NFIB: variants seen among roughly 807,000 people sequenced by gnomAD.
NFIB encodes nuclear factor I B, also known as nuclear factor 1 B-type.
Under a neutral mutation model 61.5 loss-of-function variants are expected in NFIB, and 11 were observed. The observed-to-expected ratio is 0.18, with a 90% CI of 0.11 to 0.30. The LOEUF is 0.30. NFIB is among the 10% of genes least tolerant of loss of function. NFIB has a pLI of 1.00. For synonymous variants in NFIB, 260 were observed against 216.5 expected, an observed-to-expected ratio of 1.20 and a Z score of -1.76; for missense variants, 471 against 608.9, an observed-to-expected ratio of 0.77 and a Z score of 2.38.
chr9:14,371,196 T>G (rs914656372), intron 1 of NFIB, among the ~76,000 whole-genome samples: 1 of 152,244 alleles, frequency 6.6e-6, no homozygotes, highest in Non-Finnish European at 1.5e-5. Context: ...CCTTTTCTTA[T>G]AGCTATGCAA....
At chr9:14,481,620 G>A in the NFIB span, among the ~76,000 whole-genome samples, 1 of 151,916 alleles carries the variant, frequency 6.6e-6, no homozygotes, top group Non-Finnish European at 1.5e-5. Flanking sequence ...GATTTCCCAA[G>A]GTCCCAAAAT....
chr9:14,503,632 T>C, the NFIB span, among the ~76,000 whole-genome samples: 1 of 152,178 alleles, frequency 6.6e-6, no homozygotes, highest in East Asian at 1.9e-4. Context: ...TATCTTCTTT[T>C]GAGGATCGTT....
chr9:14,328,728 G>C (rs1393926570), intron 1 of NFIB, among the ~76,000 whole-genome samples: 7 of 151,864 alleles, frequency 4.6e-5, no homozygotes, highest in African/African-American at 1.5e-4. Context: ...GTTGATATTA[G>C]TGAATGGTCA....
chr9:14,333,760 T>C lies in NFIB; in HGVS notation c.109-26240A>G, dbSNP rs554310087. ...TATATAATGTGTATCTAGGAAAGTA[T>C]ACATCACGAGTGTATAGCTAAATGT... is the stretch of plus-strand genomic sequence containing the variant. On this transcript the variant is annotated intron_variant, in intron 1 of 8. Coordinates refer to the NFIB transcript ENST00000380934. Among the ~76,000 whole-genome samples the C allele has an allele frequency of 1.8e-4, 27 of 152,332 alleles. No individual in the cohort carries two copies. The South Asian group carries it at 5.2e-3, about 29-fold the overall frequency.
rs2032799624 is a variant in NFIB, at chr9:14,085,907, G to C, written c.*2402C>G. The C allele has an allele frequency of 4.4e-6, 1 of 226,978 alleles. No homozygotes were observed. 14.1% of individuals were successfully genotyped at this position (226,978 alleles called of 1,614,324 possible). A position where few individuals can be genotyped will look rare whatever the true frequency, so the allele number is the denominator to read the frequency against. On this transcript the variant is annotated 3_prime_UTR_variant, in exon 11 of 11. Coordinates refer to ENST00000380953, the MANE Select transcript of NFIB (RefSeq NM_001190737.2). ...TTAAACATCCAACATCCCCTATGTGGACATTTCAACAAATATTTTTGCCAA... is the reference window on the plus strand; with the variant it reads ...TTAAACATCCAACATCCCCTATGTGCACATTTCAACAAATATTTTTGCCAA...
At chr9:14,143,250 G>C (rs1027333897) in intron 6 of NFIB, among the ~76,000 whole-genome samples, 15 of 152,054 alleles carry the variant, frequency 9.9e-5, no homozygotes, top group African/African-American at 3.6e-4. Context: ...TTTTCATTAA[G>C]TTACTAAAAT....
At chr9:14,343,167 A>C (rs2060972848) in intron 1 of NFIB, among the ~76,000 whole-genome samples, 1 of 152,154 alleles carries the variant, frequency 6.6e-6, no homozygotes, top group African/African-American at 2.4e-5. Flanking sequence ...TTTTTCCCAC[A>C]ATCTTCTGAC....
chr9:14,421,533 C>G, the NFIB span, among the ~76,000 whole-genome samples: 1 of 152,324 alleles, frequency 6.6e-6, no homozygotes, highest in Non-Finnish European at 1.5e-5. Flanking sequence ...AATGGTAAAT[C>G]AGATTAACTC....
the NFIB span, among the ~76,000 whole-genome samples, chr9:14,510,316 G>C: frequency 6.6e-6 from 1 of 152,156 alleles, no homozygotes; most frequent in Non-Finnish European, 1.5e-5. Context: ...ATGAACATGG[G>C]CTGGGACAAA....
chr9:14,461,222 G>A, the NFIB span, among the ~76,000 whole-genome samples: 1 of 152,118 alleles, frequency 6.6e-6, no homozygotes, highest in Non-Finnish European at 1.5e-5. Flanking sequence ...TGTGAGCTTG[G>A]CAGAGCAATC....
At chr9:14,383,081 G>GA (rs1430437983) in intron 1 of NFIB, among the ~76,000 whole-genome samples, 1 of 114,592 alleles carries the variant, frequency 8.7e-6, no homozygotes, top group East Asian at 3.1e-4. Flanking sequence ...AAAGGAATAT[G>GA]ACAAAAAATT....
intron 1 of NFIB, among the ~76,000 whole-genome samples, chr9:14,385,539 T>C (rs1447127523): frequency 6.6e-6 from 1 of 152,164 alleles, no homozygotes; most frequent in Non-Finnish European, 1.5e-5. Context: ...ATTTGAAATG[T>C]CGCATATGTT....
intron 10 of NFIB, among the ~76,000 whole-genome samples, chr9:14,101,932 G>A (rs1324210395): frequency 6.6e-6 from 1 of 152,082 alleles, no homozygotes; most frequent in East Asian, 1.9e-4. Flanking sequence ...GTCAATAACA[G>A]TTAAATTGAC....
intron 1 of NFIB, among the ~76,000 whole-genome samples, chr9:14,370,095 C>G (rs143360174): frequency 6.6e-6 from 1 of 152,162 alleles, no homozygotes; most frequent in Non-Finnish European, 1.5e-5. Flanking sequence ...GTACATTTTA[C>G]GACTTTGTGC....
chr9:14,089,246 A>G (rs948331900), intron 10 of NFIB, among the ~76,000 whole-genome samples: 1 of 151,594 alleles, frequency 6.6e-6, no homozygotes, highest in Non-Finnish European at 1.5e-5. Flanking sequence ...TCTGCACTTG[A>G]GGAGTTTGGA....
rs1225064200 is a variant in NFIB, at chr9:14,228,454, CCAAAGCCTCCCAGAACCG to C, written c.563-48692_563-48675del. ...CAGGTCATCTACCCGCCTCAGCCTC[CCAAAGCCTCCCAGAACCG>C]CATCCGGCCACGATTCTTAATAGTA... On this transcript the variant is annotated intron_variant, in intron 2 of 10. Coordinates refer to ENST00000380953, the MANE Select transcript of NFIB (RefSeq NM_001190737.2). 2.0e-5 allele frequency among the ~76,000 whole-genome samples: 3 copies of C among 152,226 alleles called. No individual in the cohort carries two copies. The East Asian group carries it at 5.8e-4, about 29-fold the overall frequency.
At chr9:14,520,075 T>A in the NFIB span, among the ~76,000 whole-genome samples, 1 of 151,820 alleles carries the variant, frequency 6.6e-6, no homozygotes. Flanking sequence ...CTTTCCTTCA[T>A]TCACATGAGG....
Position 14,210,648 on chromosome 9 carries a change from G to T in NFIB, c.563-30868C>A, listed in dbSNP as rs372604296. 3.9e-5 allele frequency among the ~76,000 whole-genome samples: 6 copies of T among 151,932 alleles called. No individual in the cohort carries two copies. In the East Asian group the frequency reaches 5.8e-4, roughly 15 times the overall value. On this transcript the variant is annotated intron_variant, in intron 2 of 10. Coordinates refer to ENST00000380953, the MANE Select transcript of NFIB (RefSeq NM_001190737.2). Reference sequence around the variant, plus strand: ...TTCTGATGGTTAAAACCACAAATTGGTTACAATGATCTGTCACTTTATATG... The same window carrying T: ...TTCTGATGGTTAAAACCACAAATTGTTTACAATGATCTGTCACTTTATATG...
At chr9:14,219,714 A>G (rs1053540635) in intron 2 of NFIB, among the ~76,000 whole-genome samples, 6 of 152,214 alleles carry the variant, frequency 3.9e-5, no homozygotes, top group Admixed American at 3.9e-4. Flanking sequence ...CCAGAGCAAA[A>G]TTTGGAAAGA....
Sources: allele counts gnomAD v4.1 joint callset (sites outside exome capture counted in the v4.1 genomes callset), GRCh38; gene constraint gnomAD v4.1.1; transcripts MANE v1.5; gene names NCBI Gene and HGNC (gene_info 2026-07-23, HGNC 2026-07-21).